The following RNF10 variants were observed in gnomAD, a reference collection of about 807,000 sequenced individuals.
The protein encoded by RNF10 is ring finger protein 10.
A neutral mutation model predicts 91.4 loss-of-function variants in RNF10; 38 were observed. That is an observed-to-expected ratio of 0.42 (90% CI 0.32 to 0.54). The LOEUF (loss-of-function observed/expected upper bound fraction) is 0.54. RNF10 is among the 20% of genes least tolerant of loss of function. The probability of loss-of-function intolerance (pLI) is 0.16; values close to 1 mark genes in which losing one functional copy is unlikely to be tolerated. For synonymous variants in RNF10, 364 were observed against 366.3 expected, an observed-to-expected ratio of 0.99 and a Z score of 0.07; for missense variants, 945 against 1,012.0, an observed-to-expected ratio of 0.93 and a Z score of 0.90.
At chr12:120,535,206 C>T (rs972717180) in intron 1 of RNF10, among the ~76,000 whole-genome samples, 1 of 152,216 alleles carries the variant, frequency 6.6e-6, no homozygotes, top group African/African-American at 2.4e-5. Flanking sequence ...GTTCTTATCG[C>T]CATTTTGCAT....
At chr12:120,573,570 C>T (rs1334703762) in intron 14 of RNF10, among the ~76,000 whole-genome samples, 3 of 150,176 alleles carry the variant, frequency 2.0e-5, no homozygotes, top group Non-Finnish European at 2.9e-5. Flanking sequence ...GATTACCCGA[C>T]GCCGAGTCAT....
chr12:120,550,276 A>C (rs974366421), intron 2 of RNF10, among the ~76,000 whole-genome samples: 1 of 152,018 alleles, frequency 6.6e-6, no homozygotes, highest in Non-Finnish European at 1.5e-5. Context: ...GGGAGGGGCA[A>C]GCTAATTGGA....
At chr12:120,575,265 G>A (rs1877235710) in intron 14 of RNF10, 2 of 251,398 alleles carry the variant, frequency 8.0e-6, no homozygotes, top group East Asian at 1.0e-4. Context: ...ACTACTCACT[G>A]CTTCCTCCGA....
At chr12:120,562,730 T>G (rs1312975537) in intron 7 of RNF10, among the ~76,000 whole-genome samples, 1 of 152,204 alleles carries the variant, frequency 6.6e-6, no homozygotes, top group Non-Finnish European at 1.5e-5. Flanking sequence ...CAGTGTCAGA[T>G]TCTAAGCAGA....
chr12:120,567,438 T>C (rs567805743), intron 13 of RNF10, among the ~76,000 whole-genome samples: 5 of 152,206 alleles, frequency 3.3e-5, no homozygotes, highest in East Asian at 3.9e-4. Context: ...CGTGGTGGCT[T>C]ATGCCTGTAA....
At chr12:120,566,382 T>C (rs531491551) in intron 12 of RNF10, among the ~76,000 whole-genome samples, 4 of 152,310 alleles carry the variant, frequency 2.6e-5, no homozygotes, top group South Asian at 2.1e-4. Context: ...AGGACAGTTA[T>C]TGTAAATTTG....
chr12:120,562,008 TTTTTAAC>T (rs1197196658), intron 7 of RNF10, among the ~76,000 whole-genome samples: 5 of 152,248 alleles, frequency 3.3e-5, no homozygotes, highest in South Asian at 2.1e-4. Context: ...TCTTTTATTT[TTTTTAAC>T]TTTTAAGTTC....
chr12:120,575,174 C>T (rs1469420343), intron 14 of RNF10: 1 of 162,122 alleles, frequency 6.2e-6, no homozygotes, highest in Admixed American at 6.0e-5. Context: ...AGGCACAGGT[C>T]ACAGTGAGCC....
intron 1 of RNF10, among the ~76,000 whole-genome samples, chr12:120,544,183 C>T (rs779619508): frequency 2.7e-5 from 4 of 148,960 alleles, no homozygotes; most frequent in South Asian, 2.2e-4. Context: ...GCCGAGATTG[C>T]GCCACTGCAC....
At chr12:120,569,002 C>T (rs1317418314) in intron 13 of RNF10, among the ~76,000 whole-genome samples, 1 of 151,394 alleles carries the variant, frequency 6.6e-6, no homozygotes, top group Non-Finnish European at 1.5e-5. Context: ...TGGAGTTTCG[C>T]TCTTGTTGCC....
intron 9 of RNF10, 93 bp downstream of exon 9, chr12:120,563,716 G>T: frequency 6.3e-7 from 1 of 1,580,454 alleles, no homozygotes; most frequent in South Asian, 1.2e-5. Flanking sequence ...AGATCCTGTG[G>T]CTTGGGTGGC....
chr12:120,540,691 A>T (rs1871416161), intron 1 of RNF10, among the ~76,000 whole-genome samples: 1 of 152,182 alleles, frequency 6.6e-6, no homozygotes, highest in Admixed American at 6.6e-5. Flanking sequence ...TGGCAACTAA[A>T]ATCACTAATC....
chr12:120,571,342 C>A (rs1456205196), intron 14 of RNF10, 51 bp downstream of exon 14: 10 of 1,298,978 alleles, frequency 7.7e-6, no homozygotes, highest in Non-Finnish European at 1.1e-5. Flanking sequence ...ATGAACTCTG[C>A]TGCTCATTAT....
rs1430416608 is a variant in RNF10, at chr12:120,557,669, C to T, written c.954C>T (p.Pro318=). 4 of 1,614,004 alleles carry T rather than the reference C, an allele frequency of 2.5e-6. No homozygotes were observed. The highest frequency in any genetic ancestry group is 3.3e-5 in the Admixed American group (2 of 59,994). The change falls in exon 6 of 17, where the codon CCC becomes CCT. Residue 318 remains proline, a synonymous_variant. Coordinates refer to ENST00000325954, the MANE Select transcript of RNF10 (RefSeq NM_014868.5). ...PKSKWMNVDH[P]IHLGDEQHSQ... ...CCAAATGGATGAATGTAGACCATCC[C>T]ATTCATCTAGGAGGTGAGTTCTTTA... is the stretch of plus-strand genomic sequence containing the variant.
intron 7 of RNF10, among the ~76,000 whole-genome samples, chr12:120,562,185 C>T (rs949819991): frequency 6.6e-6 from 1 of 151,904 alleles, no homozygotes; most frequent in African/African-American, 2.4e-5. Context: ...TGTGTGTTCC[C>T]CTCTATGTGT....
In RNF10 at chr12:120,545,015, A is replaced by C. The variant is rs550982149; in HGVS notation, c.158-1390A>C. The stretch of plus-strand genomic sequence containing the variant: ...GTAAGCAGAAAACAATATATCTTCT[A>C]TGCTTGTCATTTTATATAAGATTTG... On this transcript the variant is annotated intron_variant, in intron 1 of 16. Coordinates refer to ENST00000325954, the MANE Select transcript of RNF10 (RefSeq NM_014868.5). 7.2e-5 allele frequency among the ~76,000 whole-genome samples: 11 copies of C among 152,216 alleles called. 1 individual carries two copies. Among genetic ancestry groups the C allele is most frequent in the African/African-American group, 2.7e-4 (11 of 41,462 alleles).
intron 4 of RNF10, among the ~76,000 whole-genome samples, chr12:120,556,002 T>G (rs1315015898): frequency 6.6e-6 from 1 of 151,672 alleles, no homozygotes; most frequent in African/African-American, 2.4e-5. Flanking sequence ...TTGTCCAGGC[T>G]TGTCTCAAAC....
At chr12:120,552,772 T>C in intron 3 of RNF10, 74 bp downstream of exon 3, 15 of 1,299,718 alleles carry the variant, frequency 1.2e-5, no homozygotes, top group Admixed American at 4.6e-5. Context: ...TGTGAGAGGC[T>C]TTTTTTAAGC....
intron 1 of RNF10, among the ~76,000 whole-genome samples, chr12:120,544,394 A>G (rs946232122): frequency 1.3e-5 from 2 of 150,772 alleles, no homozygotes; most frequent in African/African-American, 4.9e-5. Context: ...GTGTTGGCTC[A>G]TGCCTATAAT....
Sources: gnomAD v4.1 joint callset for allele counts (sites outside exome capture counted in the v4.1 genomes callset) on GRCh38, gnomAD v4.1.1 for gene constraint, MANE v1.5 for transcripts, NCBI Gene and HGNC (gene_info 2026-07-23, HGNC 2026-07-21) for gene names.